Variants in CASP6 observed in about 807,000 individuals in gnomAD.
CASP6 encodes the protein caspase-6.
Under a neutral mutation model 31.8 loss-of-function variants are expected in CASP6, and 20 were observed. The observed-to-expected ratio is 0.63, with a 90% CI of 0.44 to 0.91. The LOEUF (loss-of-function observed/expected upper bound fraction) is 0.91, where lower values mean the gene tolerates loss of function less well. Ranked by LOEUF, CASP6 falls within the 40% of genes least tolerant of loss-of-function variation. The pLI, the probability that CASP6 is intolerant of heterozygous loss-of-function variation, is 0.00. For missense variants in CASP6, 328 were observed against 361.1 expected (o/e 0.91, Z 0.74); for synonymous variants, 130 against 127.8 (o/e 1.02, Z -0.12).
rs1424914748 is a variant in CASP6 at position 109,697,757 on chromosome 4, T to A, written c.95A>T (p.Asp32Val). Residue 32 changes from aspartate (D) to valine (V), a missense_variant, in exon 3 of 7, where the codon GAT (aspartate) becomes GTT (valine). Coordinates refer to ENST00000265164, the MANE Select transcript of CASP6 (RefSeq NM_001226.4). ...TDAFYKREMF[D>V]PAEKYKMDHR... ...GTCCATTTTGTACTTTTCTGCCGGA[T>A]CAAACATTTCTCTGTTAATGAAAAG... The A allele has an allele frequency of 1.2e-6, 2 of 1,612,866 alleles. No homozygotes were observed. Among genetic ancestry groups the A allele is most frequent in the Middle Eastern group, 1.7e-4 (1 of 6,050 alleles).
In CASP6 at chr4:109,690,979, CT is replaced by C; in HGVS notation, c.513del (p.Val172SerfsTer6). On this transcript the variant is annotated frameshift_variant, in exon 6 of 7. Transcript: ENST00000265164. LOFTEE classifies it high-confidence loss of function. ...QACRGNQHDV[P>X]VIPLDVVDNQ... ...TTATCTACTACATCCAAAGGAATGA[CT>C]GGCACATCGTGCTGGTTTCCCCGAC... is the stretch of plus-strand genomic sequence containing the variant. 1 of 1,612,994 alleles carries C rather than the reference CT, an allele frequency of 6.2e-7. No individual in the cohort carries two copies. The highest frequency in any genetic ancestry group is 2.2e-5 in the East Asian group (1 of 44,838).
At chr4:109,706,600 G>C (rs1373412655), upstream of CASP6, among the ~76,000 whole-genome samples, 2 of 152,180 alleles carry the variant, frequency 1.3e-5, no homozygotes, top group African/African-American at 4.8e-5. Context: ...CTACCAAACA[G>C]CATCACATGC....
the CASP6 span, among the ~76,000 whole-genome samples, chr4:109,671,199 TG>T: frequency 2.0e-5 from 3 of 152,346 alleles, no homozygotes; most frequent in East Asian, 5.8e-4. Flanking sequence ...GACAGGAAAC[TG>T]GAAGTCTTAA....
upstream of CASP6, among the ~76,000 whole-genome samples, chr4:109,708,025 G>A (rs1275249040): frequency 6.6e-6 from 1 of 152,132 alleles, no homozygotes; most frequent in African/African-American, 2.4e-5. Flanking sequence ...AAATTAAAAT[G>A]TGTTAAGGCA....
chr4:109,707,294 A>C (rs1579118897), upstream of CASP6, among the ~76,000 whole-genome samples: 1 of 151,996 alleles, frequency 6.6e-6, no homozygotes, highest in East Asian at 1.9e-4. Context: ...TCCTTTCCCC[A>C]GTGCAAGTTA....
chr4:109,680,210 G>A, the CASP6 span, among the ~76,000 whole-genome samples: 2 of 152,278 alleles, frequency 1.3e-5, no homozygotes, highest in South Asian at 2.1e-4. Context: ...CTCCCAACCC[G>A]TGGGTGCCTG....
chr4:109,703,266 T>C, intron 1 of CASP6, 90 bp downstream of exon 1: 13 of 1,449,960 alleles, frequency 9.0e-6, no homozygotes, highest in Admixed American at 2.1e-5. Flanking sequence ...CCCACTCCGG[T>C]CCGCGCGCCC....
chr4:109,694,684 G>A lies in CASP6; in HGVS notation c.324C>T (p.His108=), dbSNP rs369048428. ...CACACACAAAGCAATCGGCATCTGC[G>A]TGGCTAACAGTTGACACTATAAAGG... ...LKIHEVSTVS[H]ADADCFVCVF... is the part of the protein sequence containing the mutation. The change falls in exon 5 of 7, where the codon CAC becomes CAT. Residue 108 remains histidine, a synonymous_variant. Coordinates refer to ENST00000265164, the MANE Select transcript of CASP6 (RefSeq NM_001226.4). 8.3e-5 allele frequency: 133 copies of A among 1,594,742 alleles called. No individual in the cohort carries two copies. Among genetic ancestry groups the A allele is most frequent in the Non-Finnish European group, 1.0e-4 (120 of 1,171,760 alleles).
At chr4:109,685,863 C>CT (rs1198787370), downstream of CASP6, among the ~76,000 whole-genome samples, 2 of 152,304 alleles carry the variant, frequency 1.3e-5, no homozygotes, top group South Asian at 2.1e-4. Context: ...TTCTTAAGTA[C>CT]TTTTTCACAG....
chr4:109,689,677 T>C, intron 6 of CASP6, 109 bp from the exon 7 acceptor site: 1 of 961,918 alleles, frequency 1.0e-6, no homozygotes. Flanking sequence ...TAGAAGAGTC[T>C]TAAGATGTGT....
intron 1 of CASP6, 93 bp from the exon 2 acceptor site, chr4:109,698,435 T>G: frequency 1.9e-6 from 2 of 1,041,470 alleles, no homozygotes; most frequent in South Asian, 3.1e-5. Context: ...TCCCAAACTC[T>G]TAAGACCCTT....
At chr4:109,704,669 A>G (rs1451497129), upstream of CASP6, among the ~76,000 whole-genome samples, 2 of 152,258 alleles carry the variant, frequency 1.3e-5, no homozygotes, top group African/African-American at 4.8e-5. Flanking sequence ...GCATCAGGTT[A>G]TCCAGATCTA....
chr4:109,677,209 C>G, the CASP6 span, among the ~76,000 whole-genome samples: 1 of 152,170 alleles, frequency 6.6e-6, no homozygotes, highest in Non-Finnish European at 1.5e-5. Flanking sequence ...CTCTTTTTTC[C>G]TATTTCTCCC....
At chr4:109,667,997 C>T in the CASP6 span, among the ~76,000 whole-genome samples, 12 of 151,800 alleles carry the variant, frequency 7.9e-5, no homozygotes, top group African/African-American at 2.4e-4. Flanking sequence ...CACTGAGATC[C>T]GAAAGCATAC....
At chr4:109,670,557 A>C in the CASP6 span, among the ~76,000 whole-genome samples, 1 of 152,118 alleles carries the variant, frequency 6.6e-6, no homozygotes, top group East Asian at 1.9e-4. Context: ...CTCTACTAAA[A>C]ATACAAAAAT....
At chr4:109,664,390 G>T in the CASP6 span, 1 of 1,282,796 alleles carries the variant, frequency 7.8e-7, no homozygotes, top group South Asian at 1.2e-5. Flanking sequence ...AGTGTCCAAA[G>T]AGAGGTAAGA....
chr4:109,676,018 A>G, the CASP6 span, among the ~76,000 whole-genome samples: 1 of 152,214 alleles, frequency 6.6e-6, no homozygotes, highest in East Asian at 1.9e-4. Context: ...GAAAATTGGT[A>G]CCAGAAGTGG....
At chr4:109,684,662 G>T, downstream of CASP6, 1 of 1,221,476 alleles carries the variant, frequency 8.2e-7, no homozygotes, top group South Asian at 1.3e-5. Context: ...TAGTTTGTTA[G>T]GAAAATGGTA....
downstream of CASP6, chr4:109,684,704 C>T (rs972592289): frequency 4.9e-6 from 4 of 815,822 alleles, no homozygotes; most frequent in Admixed American, 2.3e-5. Context: ...AATGTCTTAT[C>T]TAAGCAATGA....
Sources: gnomAD v4.1 joint callset for allele counts (sites outside exome capture counted in the v4.1 genomes callset) on GRCh38, gnomAD v4.1.1 for gene constraint, MANE v1.5 for transcripts, NCBI Gene and HGNC (gene_info 2026-07-23, HGNC 2026-07-21) for gene names.